The following ALDH1A2 variants were observed in gnomAD, a reference collection of about 807,000 sequenced individuals.
ALDH1A2 encodes the protein aldehyde dehydrogenase 1 family member A2, also known as retinal dehydrogenase 2.
A neutral mutation model predicts 60.3 loss-of-function variants in ALDH1A2; 27 were observed. That is an observed-to-expected ratio of 0.45 (90% CI 0.33 to 0.62). The LOEUF is 0.62. Ranked by LOEUF, ALDH1A2 falls within the 20% of genes least tolerant of loss-of-function variation. ALDH1A2 has a pLI of 0.02. For synonymous variants in ALDH1A2, 289 were observed against 232.4 expected (o/e 1.24, Z -2.21); for missense variants, 581 against 643.8 (o/e 0.90, Z 1.06).
intron 3 of ALDH1A2, among the ~76,000 whole-genome samples, chr15:58,012,623 G>C (rs928008630): frequency 2.0e-5 from 3 of 152,168 alleles, no homozygotes; most frequent in East Asian, 1.9e-4. Flanking sequence ...CATTGGAAGA[G>C]TATTCCCTAG....
At chr15:57,984,065 T>G (rs1289010698) in intron 7 of ALDH1A2, among the ~76,000 whole-genome samples, 8 of 152,240 alleles carry the variant, frequency 5.3e-5, no homozygotes, top group African/African-American at 1.9e-4. Context: ...ATTCCGAATT[T>G]TAATGGCTCT....
chr15:58,046,153 T>C lies in ALDH1A2; in HGVS notation c.117+19381A>G, dbSNP rs139372661. 4.0e-3 allele frequency among the ~76,000 whole-genome samples: 612 copies of C among 152,150 alleles called. 1 individual carries two copies. The highest frequency in any genetic ancestry group is 7.5e-3 in the Admixed American group (114 of 15,264). The stretch of plus-strand genomic sequence containing the variant: ...TGTCCCTTCCCAAACCACAAAGGAA[T>C]AGATATCTCACGGTCTCCAAGGAAG... On this transcript the variant is annotated intron_variant, in intron 1 of 12. Coordinates refer to ENST00000249750, the MANE Select transcript of ALDH1A2 (RefSeq NM_003888.4).
chr15:57,960,013 C>T (rs1893668606), intron 12 of ALDH1A2, among the ~76,000 whole-genome samples: 2 of 152,198 alleles, frequency 1.3e-5, no homozygotes, highest in South Asian at 2.1e-4. Context: ...AAGCATTCCT[C>T]TTCTTGAAAG....
intron 12 of ALDH1A2, among the ~76,000 whole-genome samples, chr15:57,958,536 T>C (rs1893616754): frequency 6.6e-6 from 1 of 152,148 alleles, no homozygotes; most frequent in Non-Finnish European, 1.5e-5. Context: ...GTGGGCTAGG[T>C]CAGCCCTCCT....
chr15:57,989,337 A>G (rs1322359516), intron 7 of ALDH1A2, among the ~76,000 whole-genome samples: 1 of 152,184 alleles, frequency 6.6e-6, no homozygotes, highest in East Asian at 1.9e-4. Flanking sequence ...TAAAGATAGC[A>G]TTTTTCCTCA....
At chr15:57,967,766 T>C (rs894557874) in intron 7 of ALDH1A2, among the ~76,000 whole-genome samples, 6 of 152,164 alleles carry the variant, frequency 3.9e-5, no homozygotes, top group Admixed American at 2.6e-4. Context: ...GGGTGAGCTG[T>C]GGCCAACCTG....
intron 1 of ALDH1A2, among the ~76,000 whole-genome samples, chr15:58,045,401 C>T (rs1427633919): frequency 6.6e-6 from 1 of 152,058 alleles, no homozygotes; most frequent in African/African-American, 2.4e-5. Flanking sequence ...TGGGTATATA[C>T]CCAAAGGATT....
In ALDH1A2 at chr15:58,014,265, T is replaced by C; in HGVS notation, c.134A>G (p.Glu45Gly). 1 of 1,613,976 alleles carries C rather than the reference T, an allele frequency of 6.2e-7. No individual in the cohort carries two copies. The highest frequency in any genetic ancestry group is 8.5e-7 in the Non-Finnish European group (1 of 1,179,862). ...IKYTKIFINN[E>G]WQNSESGRVF... ...TCTCCCACTCTCTGAGTTCTGCCACTCGTTGTTTATAAAGATCTAAGGGAG... is the reference window on the plus strand; with the variant it reads ...TCTCCCACTCTCTGAGTTCTGCCACCCGTTGTTTATAAAGATCTAAGGGAG... Residue 45 changes from glutamate to glycine, a missense_variant, in exon 2 of 13, where the codon GAG (glutamate) becomes GGG (glycine). Glu to Gly is a moderately conservative substitution (Grantham distance 98). This residue lies in a region of ALDH1A2 where 206 missense variants were observed against 174.1 expected (regional missense o/e 1.18). Transcript: ENST00000249750.
chr15:57,966,861 A>G (rs1030267380), intron 7 of ALDH1A2, among the ~76,000 whole-genome samples: 2 of 152,162 alleles, frequency 1.3e-5, no homozygotes, highest in Non-Finnish European at 2.9e-5. Flanking sequence ...AACTCCGTGA[A>G]TGCTCCCTGG....
chr15:57,966,160 C>A (rs1361148325), intron 7 of ALDH1A2, among the ~76,000 whole-genome samples: 2 of 152,136 alleles, frequency 1.3e-5, no homozygotes, highest in Non-Finnish European at 2.9e-5. Flanking sequence ...GCATTGTGGC[C>A]TTTAGCTTTG....
chr15:57,986,395 AG>A (rs1398945876), intron 7 of ALDH1A2, among the ~76,000 whole-genome samples: 2 of 152,090 alleles, frequency 1.3e-5, no homozygotes, highest in African/African-American at 4.8e-5. Flanking sequence ...AGAATAAACT[AG>A]TCTTAACAAA....
intron 7 of ALDH1A2, chr15:57,991,608 C>T (rs1338440732): frequency 6.6e-6 from 1 of 152,122 alleles, no homozygotes; most frequent in Non-Finnish European, 1.5e-5. Context: ...CAATGTAAAA[C>T]ACATACCATA....
chr15:57,977,137 G>C (rs1894287085), intron 7 of ALDH1A2, among the ~76,000 whole-genome samples: 1 of 151,168 alleles, frequency 6.6e-6, no homozygotes. Context: ...GTTCCTTGTA[G>C]AGTCTGGATA....
intron 1 of ALDH1A2, among the ~76,000 whole-genome samples, chr15:58,048,672 A>G (rs771111317): frequency 5.9e-5 from 9 of 152,028 alleles, no homozygotes; most frequent in Non-Finnish European, 1.2e-4. Flanking sequence ...CATTTGACTC[A>G]GGATTCCATG....
chr15:58,062,737 T>G (rs16939739), intron 1 of ALDH1A2, among the ~76,000 whole-genome samples: 2,077 of 152,338 alleles, frequency 0.014, 22 homozygotes, highest in African/African-American at 0.031. Context: ...CTTTTAAAAC[T>G]TGGGATCCAG....
Position 57,954,363 on chromosome 15 carries a change from A to G in ALDH1A2, c.*834T>C, listed in dbSNP as rs1331635489. On this transcript the variant is annotated 3_prime_UTR_variant, in exon 13 of 13. Coordinates refer to ENST00000249750, the MANE Select transcript of ALDH1A2 (RefSeq NM_003888.4). Reference sequence around the variant, plus strand: ...CTCGGATTGTTTTTTGGTTGGTTCTAAGAAAAACTTTGGAAAAGATCTTAT... The same window carrying G: ...CTCGGATTGTTTTTTGGTTGGTTCTGAGAAAAACTTTGGAAAAGATCTTAT... 6.5e-6 allele frequency: 1 copy of G among 152,776 alleles called. No homozygotes were observed. The highest frequency in any genetic ancestry group is 1.5e-5 in the Non-Finnish European group (1 of 68,052). The allele number at this position is 152,776 out of a possible 1,614,324, so 9.5% of individuals were successfully genotyped here. A position where few individuals can be genotyped will look rare whatever the true frequency, so the allele number is the denominator to read the frequency against.
At chr15:58,026,633 A>G (rs1276808122) in intron 1 of ALDH1A2, among the ~76,000 whole-genome samples, 1 of 152,176 alleles carries the variant, frequency 6.6e-6, no homozygotes, top group Non-Finnish European at 1.5e-5. Context: ...GCCATGACAG[A>G]TTGTACGTGG....
chr15:58,013,897 CT>C lies in ALDH1A2; in HGVS notation c.323del (p.Lys108SerfsTer19). ...TGTCCCGTTCCACCAAGTCTGCAAG[CT>C]TATCCAACAGACGTCCCCTTTCTGA... Reference protein sequence around the residue: ...DASERGRLLDKLADLVERDRA... With the variant: ...DASERGRLLDXLADLVERDRA... On this transcript the variant is annotated frameshift_variant, in exon 3 of 13. Transcript: ENST00000249750. LOFTEE classifies it high-confidence loss of function. The C allele has an allele frequency of 6.2e-7, 1 of 1,614,188 alleles. No individual in the cohort carries two copies. The highest frequency in any genetic ancestry group is 8.5e-7 in the Non-Finnish European group (1 of 1,180,022).
chr15:57,980,802 A>G (rs1437106338), intron 7 of ALDH1A2, among the ~76,000 whole-genome samples: 1 of 152,194 alleles, frequency 6.6e-6, no homozygotes, highest in African/African-American at 2.4e-5. Context: ...GCCTCATAAA[A>G]TGAGTTAGGG....
Sources: gnomAD v4.1 joint callset for allele counts (sites outside exome capture counted in the v4.1 genomes callset) on GRCh38, gnomAD v4.1.1 for gene constraint, gnomAD v4.1.1 regional missense constraint, MANE v1.5 for transcripts, NCBI Gene and HGNC (gene_info 2026-07-23, HGNC 2026-07-21) for gene names.